Variants in MRPS27 observed in about 807,000 individuals in gnomAD.
The protein encoded by MRPS27 is mitochondrial ribosomal protein S27, also known as small ribosomal subunit protein mS27.
A neutral mutation model predicts 48.9 loss-of-function variants in MRPS27; 43 were observed. The observed-to-expected ratio is 0.88, with a 90% confidence interval of 0.69 to 1.13. MRPS27 has a LOEUF of 1.13. Ranked by LOEUF, MRPS27 falls within the 50% of genes most tolerant of loss-of-function variation. MRPS27 has a pLI of 0.00. For missense variants in MRPS27, 467 were observed against 476.3 expected (o/e 0.98, Z 0.18); for synonymous variants, 188 against 171.9 (o/e 1.09, Z -0.73).
At chr5:72,284,335 A>G (rs1749611607) in intron 4 of MRPS27, among the ~76,000 whole-genome samples, 1 of 151,664 alleles carries the variant, frequency 6.6e-6, no homozygotes, top group South Asian at 2.1e-4. Flanking sequence ...GAGGTAGGAC[A>G]ATTGCCTGAG....
Position 72,308,485 on chromosome 5 carries a change from C to A in MRPS27, c.151+5596G>T, listed in dbSNP as rs1159107291. Among the ~76,000 whole-genome samples the A allele has an allele frequency of 2.0e-5, 3 of 152,192 alleles. No individual in the cohort carries two copies. In the East Asian group the frequency reaches 5.8e-4, roughly 29 times the overall value. On this transcript the variant is annotated intron_variant, in intron 2 of 10. Coordinates refer to ENST00000261413, the MANE Select transcript of MRPS27 (RefSeq NM_015084.3). ...GCTGGCGGCGCCCAATCACAGCGCTCCACATGCTGGGCGCGGCCCTGCGCG... is the reference window on the plus strand; with the variant it reads ...GCTGGCGGCGCCCAATCACAGCGCTACACATGCTGGGCGCGGCCCTGCGCG...
At position 72,226,723 on chromosome 5, in the gene MRPS27, CCCTTCTTT is replaced by C. The variant is rs940463588; in HGVS notation, c.695-532_695-525del. On this transcript the variant is annotated intron_variant, in intron 8 of 10. Coordinates refer to ENST00000261413, the MANE Select transcript of MRPS27 (RefSeq NM_015084.3). ...TGAAAAAAAAAAACCCCTCATCTTT[CCCTTCTTT>C]CCTTTGAGTTTCGTCAGTTTTAAAA... Among the ~76,000 whole-genome samples, 63 of 152,080 alleles carry C rather than the reference CCCTTCTTT, an allele frequency of 4.1e-4. 1 individual carries two copies. The highest frequency in any genetic ancestry group is 1.5e-3 in the African/African-American group (61 of 41,534).
chr5:72,236,100 G>T (rs1258826463), intron 5 of MRPS27, among the ~76,000 whole-genome samples: 1 of 152,034 alleles, frequency 6.6e-6, no homozygotes, highest in Non-Finnish European at 1.5e-5. Flanking sequence ...AACCTAAAAG[G>T]GAAAGAAACT....
intron 4 of MRPS27, among the ~76,000 whole-genome samples, chr5:72,258,922 A>G (rs770625678): frequency 6.6e-6 from 1 of 152,166 alleles, no homozygotes; most frequent in African/African-American, 2.4e-5. Flanking sequence ...CTGCAAATCC[A>G]TATGTACTAT....
At chr5:72,320,121 AG>A in intron 1 of MRPS27, 27 bp downstream of exon 1, 1 of 1,604,744 alleles carries the variant, frequency 6.2e-7, no homozygotes, top group Non-Finnish European at 8.5e-7. Flanking sequence ...CAGAATAATC[AG>A]GGGCCTAATG....
intron 4 of MRPS27, among the ~76,000 whole-genome samples, chr5:72,262,743 C>CT (rs1240180713): frequency 2.0e-5 from 3 of 151,470 alleles, no homozygotes; most frequent in East Asian, 3.9e-4. Context: ...AAAGTGAGGT[C>CT]TTTTTTTTAT....
At chr5:72,224,350 C>A (rs777650050) in intron 9 of MRPS27, among the ~76,000 whole-genome samples, 4 of 152,144 alleles carry the variant, frequency 2.6e-5, no homozygotes, top group African/African-American at 4.8e-5. Context: ...CATAGTGAGA[C>A]CCTGTCTCAA....
chr5:72,297,913 T>C (rs1170410440), intron 2 of MRPS27, among the ~76,000 whole-genome samples: 1 of 152,196 alleles, frequency 6.6e-6, no homozygotes, highest in Non-Finnish European at 1.5e-5. Context: ...TAAAAAAACT[T>C]TTTACCATGT....
intron 1 of MRPS27, 83 bp from the exon 2 acceptor site, chr5:72,314,241 T>G: frequency 1.1e-6 from 1 of 897,348 alleles, no homozygotes; most frequent in South Asian, 1.6e-5. Context: ...ATCTTCACTA[T>G]CCTTTCAACT....
At chr5:72,228,444 T>C (rs1397547733) in intron 7 of MRPS27, 76 bp from the exon 8 acceptor site, 5 of 944,098 alleles carry the variant, frequency 5.3e-6, no homozygotes, top group Admixed American at 4.5e-5. Flanking sequence ...TTCAATGACA[T>C]GAGGAAAAGA....
intron 4 of MRPS27, among the ~76,000 whole-genome samples, chr5:72,259,468 CAAAA>C (rs11286212): frequency 2.3e-5 from 3 of 127,822 alleles, no homozygotes; most frequent in Non-Finnish European, 3.3e-5. Flanking sequence ...AACTTCGTCT[CAAAA>C]AAAAAAAAAA....
intron 4 of MRPS27, among the ~76,000 whole-genome samples, chr5:72,248,389 G>A (rs1237464324): frequency 6.6e-6 from 1 of 152,156 alleles, no homozygotes; most frequent in Non-Finnish European, 1.5e-5. Flanking sequence ...GGGTTCATCT[G>A]TTCTGGCTGG....
chr5:72,226,279 TG>T (rs1747894388), intron 8 of MRPS27, 80 bp from the exon 9 acceptor site: 1 of 1,544,518 alleles, frequency 6.5e-7, no homozygotes, highest in Non-Finnish European at 8.9e-7. Flanking sequence ...AAGGCCCAAG[TG>T]AATGTTCACC....
At chr5:72,261,945 T>C (rs1238540074) in intron 4 of MRPS27, among the ~76,000 whole-genome samples, 3 of 152,120 alleles carry the variant, frequency 2.0e-5, no homozygotes, top group Admixed American at 6.5e-5. Flanking sequence ...GACCAAAGGG[T>C]GATGCCTGCC....
intron 4 of MRPS27, among the ~76,000 whole-genome samples, chr5:72,276,539 T>G (rs1233059157): frequency 6.6e-6 from 1 of 151,948 alleles, no homozygotes; most frequent in African/African-American, 2.4e-5. Flanking sequence ...CAAAAGCAAT[T>G]GCAACATAAA....
chr5:72,265,398 G>A (rs955814809), intron 4 of MRPS27, among the ~76,000 whole-genome samples: 1 of 152,194 alleles, frequency 6.6e-6, no homozygotes, highest in African/African-American at 2.4e-5. Flanking sequence ...CTCACAGCAA[G>A]AGCAGTGCCC....
chr5:72,234,033 T>TA, intron 6 of MRPS27, 86 bp downstream of exon 6: 9 of 1,311,058 alleles, frequency 6.9e-6, no homozygotes, highest in Non-Finnish European at 8.9e-6. Flanking sequence ...TATTAAGAAA[T>TA]AAAAAAGGGG....
rs1749955883 is a variant in MRPS27, at chr5:72,295,575, AATGTTGT to A, written c.230_236del (p.Asp77ValfsTer7). On this transcript the variant is annotated frameshift_variant, in exon 4 of 11. Transcript: ENST00000261413. LOFTEE classifies it high-confidence loss of function. Reference sequence around the variant, plus strand: ...CATGATCTATCTCTTCCCGAGAGGAAATGTTGTCTATAAGCTAAAAGACAGAAAAAGA... The same window carrying A: ...CATGATCTATCTCTTCCCGAGAGGAACTATAAGCTAAAAGACAGAAAAAGA... 3 of 1,609,864 alleles carry A rather than the reference AATGTTGT, an allele frequency of 1.9e-6. No homozygotes were observed. Among genetic ancestry groups the A allele is most frequent in the Non-Finnish European group, 2.6e-6 (3 of 1,176,456 alleles).
At chr5:72,298,934 C>A (rs1750057521) in intron 2 of MRPS27, among the ~76,000 whole-genome samples, 1 of 139,136 alleles carries the variant, frequency 7.2e-6, no homozygotes, top group East Asian at 2.4e-4. Flanking sequence ...TACTACACAG[C>A]CATAAAAAAA....
Sources: gnomAD v4.1 joint callset for allele counts (sites outside exome capture counted in the v4.1 genomes callset) on GRCh38, gnomAD v4.1.1 for gene constraint, MANE v1.5 for transcripts, NCBI Gene and HGNC (gene_info 2026-07-23, HGNC 2026-07-21) for gene names.